Variants in SPTA1 observed in about 807,000 individuals in gnomAD.
SPTA1 encodes the protein spectrin alpha chain, erythrocytic 1.
In SPTA1, 177 loss-of-function variants were observed where a neutral mutation model predicts 324.7. The observed-to-expected ratio is 0.55, with a 90% CI of 0.48 to 0.62. The LOEUF is 0.62. Ranked by LOEUF, SPTA1 falls within the 20% of genes least tolerant of loss-of-function variation. The pLI is 0.00. For synonymous variants in SPTA1, 1,195 were observed against 1,041.3 expected, an observed-to-expected ratio of 1.15 and a Z score of -2.84; for missense variants, 3,162 against 2,883.6, an observed-to-expected ratio of 1.10 and a Z score of -2.21.
rs577019056 is a variant in SPTA1, at chr1:158,642,102, T to G, written c.4737+309A>C. Among the ~76,000 whole-genome samples the G allele has an allele frequency of 7.4e-3, 1,122 of 151,820 alleles. 13 individuals are homozygous for G. The highest frequency in any genetic ancestry group is 0.026 in the African/African-American group (1,068 of 41,360). On this transcript the variant is annotated intron_variant, in intron 33 of 51. Coordinates refer to ENST00000643759, the MANE Select transcript of SPTA1 (RefSeq NM_003126.4). The stretch of plus-strand genomic sequence containing the variant: ...CATGTTTTCACTCATAGGTGGGAAC[T>G]GAACAATGAGAACACATGGACACAG...
intron 39 of SPTA1, among the ~76,000 whole-genome samples, chr1:158,628,058 T>A (rs1228206927): frequency 6.6e-6 from 1 of 152,138 alleles, no homozygotes; most frequent in Non-Finnish European, 1.5e-5. Context: ...TCTAATTCAA[T>A]GAAACAATGT....
Position 158,651,486 on chromosome 1 carries a change from T to C in SPTA1, c.3376-18A>G. On this transcript the variant is annotated intron_variant, in intron 23 of 51. Coordinates refer to ENST00000643759, the MANE Select transcript of SPTA1 (RefSeq NM_003126.4). ...TTCAAATCCTGAATGGGAAAATTCATCCAAAGCAGTGTAAATTCATCCAAA... is the reference window on the plus strand; with the variant it reads ...TTCAAATCCTGAATGGGAAAATTCACCCAAAGCAGTGTAAATTCATCCAAA... 1 of 1,532,466 alleles carries C rather than the reference T, an allele frequency of 6.5e-7. No individual in the cohort carries two copies. The highest frequency in any genetic ancestry group is 9.0e-7 in the Non-Finnish European group (1 of 1,106,578). The allele number at this position is 1,532,466 out of a possible 1,614,324, so 94.9% of individuals were successfully genotyped here. A position where few individuals can be genotyped will look rare whatever the true frequency, so the allele number is the denominator to read the frequency against.
chr1:158,642,928 T>C lies in SPTA1; in HGVS notation c.4491A>G (p.Gly1497=). Residue 1497 remains glycine (G), a synonymous_variant, in exon 32 of 52, where the codon GGA becomes GGG. Transcript: ENST00000643759. ...AGAATTGTTTTAGGTTGGCATAGTCTCCAAGCTTTGTCCGCTCATCAATCA... is the reference window on the plus strand; with the variant it reads ...AGAATTGTTTTAGGTTGGCATAGTCCCCAAGCTTTGTCCGCTCATCAATCA... ...AQLIDERTKL[G]DYANLKQFYR... 1 of 1,613,790 alleles carries C rather than the reference T, an allele frequency of 6.2e-7. No homozygotes were observed. Among genetic ancestry groups the C allele is most frequent in the Non-Finnish European group, 8.5e-7 (1 of 1,179,818 alleles).
chr1:158,638,201 A>G lies in SPTA1; in HGVS notation c.5021T>C (p.Leu1674Pro), dbSNP rs776020877. The G allele has an allele frequency of 1.2e-6, 2 of 1,613,638 alleles. No individual in the cohort carries two copies. Among genetic ancestry groups the G allele is most frequent in the South Asian group, 1.1e-5 (1 of 91,086 alleles). ...KDLNTLAEDL[L>P]SSGTFNVDQI... ...ATCAACGTTGAAAGTCCCGCTGGAG[A>G]GCAAATCTTCAGCCAATGTATTCAG... is the stretch of plus-strand genomic sequence containing the variant. Residue 1674 changes from leucine to proline, a missense_variant, in exon 36 of 52, where the codon CTC becomes CCC. Transcript: ENST00000643759.
chr1:158,661,556 C>T (rs1468621556), intron 17 of SPTA1, 147 bp from the exon 18 acceptor site: 7 of 1,014,812 alleles, frequency 6.9e-6, no homozygotes, highest in Non-Finnish European at 1.0e-5. Context: ...TATCATCTGT[C>T]TGATTTCACT....
At chr1:158,643,577 T>A in intron 30 of SPTA1, 152 bp from the exon 31 acceptor site, 2 of 790,704 alleles carry the variant, frequency 2.5e-6, no homozygotes, top group East Asian at 5.3e-5. Flanking sequence ...GGGAGGTGGG[T>A]TTCAACTTAA....
At position 158,632,495 on chromosome 1, in the gene SPTA1, G is replaced by A. The variant is rs187649866; in HGVS notation, c.5565+2048C>T. Among the ~76,000 whole-genome samples the A allele has an allele frequency of 2.8e-4, 43 of 152,156 alleles. 1 individual carries two copies. In the East Asian group the frequency reaches 7.9e-3, roughly 28 times the overall value. On this transcript the variant is annotated intron_variant, in intron 39 of 51. Coordinates refer to ENST00000643759, the MANE Select transcript of SPTA1 (RefSeq NM_003126.4). ...AATGAACAAACTAACAATTCAATTA[G>A]AAAATAGAGAGACATTTCACTGAGG...
chr1:158,635,414 A>G (rs1197750452), intron 38 of SPTA1, among the ~76,000 whole-genome samples: 1 of 151,628 alleles, frequency 6.6e-6, no homozygotes, highest in Non-Finnish European at 1.5e-5. Flanking sequence ...CTTCCTGTAC[A>G]GCCTATGAAA....
chr1:158,657,419 T>C (rs998595280), intron 19 of SPTA1, 58 bp downstream of exon 19: 51 of 1,533,108 alleles, frequency 3.3e-5, no homozygotes, highest in Admixed American at 8.3e-5. Flanking sequence ...AAACCCTAAA[T>C]TGATAATTTG....
In SPTA1 at chr1:158,669,782, A is replaced by G. The variant is rs1427402565; in HGVS notation, c.1604T>C (p.Val535Ala). 3.1e-6 allele frequency: 5 copies of G among 1,614,064 alleles called. No individual in the cohort carries two copies. The highest frequency in any genetic ancestry group is 4.2e-6 in the Non-Finnish European group (5 of 1,179,924). The change falls in exon 13 of 52, where the codon GTA becomes GCA. Residue 535 changes from valine (V) to alanine (A), a missense_variant. Physicochemically the swap from Val to Ala is moderately conservative, Grantham distance 64 (BLOSUM62 0). Coordinates refer to ENST00000643759, the MANE Select transcript of SPTA1 (RefSeq NM_003126.4). ...FTAQEEKIIT[V>A]DKTATKLIGD... ...AATCAATTTGGTTGCAGTCTTGTCT[A>G]CAGTCTGAAAAAATAAAAATAAAAA...
At chr1:158,653,831 C>G (rs1652636517) in intron 21 of SPTA1, among the ~76,000 whole-genome samples, 1 of 152,132 alleles carries the variant, frequency 6.6e-6, no homozygotes, top group African/African-American at 2.4e-5. Flanking sequence ...TTGCAGAGGT[C>G]TGAAAAATGT....
chr1:158,637,719 T>C (rs922999676), intron 36 of SPTA1, among the ~76,000 whole-genome samples: 1 of 152,194 alleles, frequency 6.6e-6, no homozygotes, highest in Non-Finnish European at 1.5e-5. Flanking sequence ...GCTGTGTAAA[T>C]GTCCAGGTGT....
At position 158,638,167 on chromosome 1, in the gene SPTA1, C is replaced by T; in HGVS notation, c.5055G>A (p.Val1685=). The change falls in exon 36 of 52, where the codon GTG becomes GTA. Residue 1685 remains valine (V), a synonymous_variant. Transcript: ENST00000643759. ...SSGTFNVDQI[V]KKKDNVNKRF... ...GCTTGTTGACATTATCTTTTTTCTT[C>T]ACAATCTGATCAACGTTGAAAGTCC... 2 of 1,613,928 alleles carry T rather than the reference C, an allele frequency of 1.2e-6. No homozygotes were observed. Among genetic ancestry groups the T allele is most frequent in the South Asian group, 1.1e-5 (1 of 91,080 alleles).
chr1:158,615,030 T>A, intron 48 of SPTA1, 186 bp downstream of exon 48: 1 of 669,920 alleles, frequency 1.5e-6, no homozygotes, highest in South Asian at 1.9e-5. Context: ...GAGAGCACTG[T>A]CTTTTATTTC....
chr1:158,661,472 C>T (rs1653211459), intron 17 of SPTA1, 63 bp from the exon 18 acceptor site: 2 of 1,609,506 alleles, frequency 1.2e-6, no homozygotes, highest in East Asian at 4.5e-5. Flanking sequence ...GCATACCTCA[C>T]TTTTTTAGAA....
At chr1:158,670,938 T>A (rs1365113301) in intron 12 of SPTA1, among the ~76,000 whole-genome samples, 1 of 152,056 alleles carries the variant, frequency 6.6e-6, no homozygotes, top group Non-Finnish European at 1.5e-5. Context: ...AATTCAATAA[T>A]TTCTATTTAC....
At chr1:158,622,920 C>A in intron 43 of SPTA1, 63 bp downstream of exon 43, 1 of 1,417,912 alleles carries the variant, frequency 7.1e-7, no homozygotes, top group South Asian at 1.2e-5. Flanking sequence ...ATATCTGTTT[C>A]CGAATTTCAT....
intron 31 of SPTA1, 80 bp from the exon 32 acceptor site, chr1:158,643,056 T>C (rs1465274678): frequency 6.4e-7 from 1 of 1,573,688 alleles, no homozygotes; most frequent in Non-Finnish European, 8.7e-7. Flanking sequence ...ATCTTCCCAT[T>C]TGCCAACATG....
In SPTA1 at chr1:158,666,473, T is replaced by C. The variant is rs757767033; in HGVS notation, c.2063A>G (p.Gln688Arg). 4 of 1,610,628 alleles carry C rather than the reference T, an allele frequency of 2.5e-6. No individual in the cohort carries two copies. Among genetic ancestry groups the C allele is most frequent in the Admixed American group, 3.3e-5 (2 of 59,988 alleles). Residue 688 changes from glutamine to arginine, a missense_variant, in exon 16 of 52, where the codon CAG becomes CGG. Transcript: ENST00000643759. ...QKGTQLHEAN[Q>R]QLQFENNAED... ...TGCATTATTTTCAAATTGCAGCTGCTGGTTGGCCTCATGCAACTGGGTCCC... is the reference window on the plus strand; with the variant it reads ...TGCATTATTTTCAAATTGCAGCTGCCGGTTGGCCTCATGCAACTGGGTCCC...
Sources: allele counts gnomAD v4.1 joint callset (sites outside exome capture counted in the v4.1 genomes callset), GRCh38; gene constraint gnomAD v4.1.1; transcripts MANE v1.5; gene names NCBI Gene and HGNC (gene_info 2026-07-23, HGNC 2026-07-21).